Variants in PTPRC observed in about 807,000 individuals in gnomAD.
PTPRC encodes the protein receptor-type tyrosine-protein phosphatase C.
PTPRC carries 44 observed loss-of-function variants against 155.9 expected under a neutral mutation model. That is an observed-to-expected ratio of 0.28 (90% CI 0.22 to 0.36). The LOEUF (loss-of-function observed/expected upper bound fraction) is 0.36. Ranked by LOEUF, PTPRC falls within the 10% of genes least tolerant of loss-of-function variation. The pLI is 1.00. For missense variants in PTPRC, 1,401 were observed against 1,564.6 expected (o/e 0.90, Z 1.76); for synonymous variants, 525 against 533.1 (o/e 0.98, Z 0.21).
chr1:198,740,237 T>TA (rs966130129), intron 23 of PTPRC, among the ~76,000 whole-genome samples: 1 of 151,450 alleles, frequency 6.6e-6, no homozygotes, highest in Non-Finnish European at 1.5e-5. Flanking sequence ...GAAACTGAAA[T>TA]AAAAAAATAC....
chr1:198,644,550 C>T (rs567755250), intron 2 of PTPRC, among the ~76,000 whole-genome samples: 33 of 151,904 alleles, frequency 2.2e-4, no homozygotes, highest in Middle Eastern at 3.4e-3. Flanking sequence ...ACTTCAATAT[C>T]AGTCTGTTAA....
At chr1:198,683,115 G>A (rs1198428076) in intron 2 of PTPRC, among the ~76,000 whole-genome samples, 5 of 152,054 alleles carry the variant, frequency 3.3e-5, no homozygotes, top group African/African-American at 9.7e-5. Flanking sequence ...TTGCATACAC[G>A]TTTTTATGAT....
rs112017590 is a variant in PTPRC, at chr1:198,668,634, G to A, written c.74-23713G>A. On this transcript the variant is annotated intron_variant, in intron 2 of 32. Transcript: ENST00000442510. ...GGTACATGGAAAGTAAATATAAAAT[G>A]GTGCTGATAATTCTAATTACATAGT... Among the ~76,000 whole-genome samples, 1,097 of 152,250 alleles carry A rather than the reference G, an allele frequency of 7.2e-3. 8 individuals are homozygous for A. The highest frequency in any genetic ancestry group is 0.011 in the Non-Finnish European group (763 of 68,004).
intron 22 of PTPRC, 36 bp downstream of exon 22, chr1:198,734,461 G>A: frequency 6.3e-7 from 1 of 1,587,392 alleles, no homozygotes; most frequent in Non-Finnish European, 8.6e-7. Flanking sequence ...TGGGTCTTGG[G>A]GTTAGGAAAA....
intron 4 of PTPRC, among the ~76,000 whole-genome samples, chr1:198,698,681 G>A (rs1666323426): frequency 6.6e-6 from 1 of 151,560 alleles, no homozygotes; most frequent in Non-Finnish European, 1.5e-5. Flanking sequence ...CAATATAGAT[G>A]GGTATGTGTG....
chr1:198,732,390 TGTGA>T lies in PTPRC; in HGVS notation c.2065+3_2065+6del. Reference sequence around the variant, plus strand: ...AAACCGTTATGTTGACATTCTTCCTTGTGAGTATTTATTGAGTGCTGAATTCCCA... The same window carrying T: ...AAACCGTTATGTTGACATTCTTCCTTGTATTTATTGAGTGCTGAATTCCCA... On this transcript the variant is annotated splice_donor_variant and splice_donor_region_variant and intron_variant, in intron 19 of 32. Coordinates refer to ENST00000442510, the MANE Select transcript of PTPRC (RefSeq NM_002838.5). LOFTEE classifies it high-confidence loss of function. 6.2e-7 allele frequency: 1 copy of T among 1,609,654 alleles called. No individual in the cohort carries two copies.
intron 2 of PTPRC, among the ~76,000 whole-genome samples, chr1:198,670,467 T>A (rs71633838): frequency 2.6e-5 from 4 of 152,092 alleles, no homozygotes; most frequent in Admixed American, 6.5e-5. Flanking sequence ...ACACAAAAAA[T>A]TTTAAAAATT....
At chr1:198,736,647 G>C (rs563430792) in intron 23 of PTPRC, among the ~76,000 whole-genome samples, 4 of 151,730 alleles carry the variant, frequency 2.6e-5, no homozygotes, top group African/African-American at 9.6e-5. Flanking sequence ...TCCAATAAAC[G>C]TGGGAGTGCA....
At position 198,752,263 on chromosome 1, in the gene PTPRC, G is replaced by T; in HGVS notation, c.3222G>T (p.Gln1074His). ...CTTTTATCTAGGAAATCTGTGCTCA[G>T]TACTGGGGAGAAGGAAAGCAAACAT... ...LKHGDQEICA[Q>H]YWGEGKQTYG... Residue 1074 changes from glutamine (Q) to histidine (H), a missense_variant, in exon 30 of 33, where the codon CAG (glutamine) becomes CAT (histidine). Gln to His is a conservative substitution (Grantham distance 24, BLOSUM62 0). Coordinates refer to ENST00000442510, the MANE Select transcript of PTPRC (RefSeq NM_002838.5). The T allele has an allele frequency of 6.2e-7, 1 of 1,611,764 alleles. No homozygotes were observed. The highest frequency in any genetic ancestry group is 8.5e-7 in the Non-Finnish European group (1 of 1,178,318).
At chr1:198,726,423 C>T (rs1432852047) in intron 15 of PTPRC, among the ~76,000 whole-genome samples, 2 of 152,064 alleles carry the variant, frequency 1.3e-5, no homozygotes, top group African/African-American at 4.8e-5. Flanking sequence ...TCATGTATCC[C>T]ATCCATTTTT....
In PTPRC at chr1:198,706,839, C is replaced by T. The variant is rs1298769494; in HGVS notation, c.791C>T (p.Thr264Ile). The change falls in exon 9 of 33, where the codon ACT (threonine) becomes ATT (isoleucine). Residue 264 changes from threonine (T) to isoleucine (I), a missense_variant. Coordinates refer to ENST00000442510, the MANE Select transcript of PTPRC (RefSeq NM_002838.5). ...VNENVECGNN[T>I]CTNNEVHNLT... is the part of the protein sequence containing the mutation. Reference sequence around the variant, plus strand: ...GAGAATGTGGAATGTGGAAACAATACTTGCACAAACAATGAGGTGCATAAC... The same window carrying T: ...GAGAATGTGGAATGTGGAAACAATATTTGCACAAACAATGAGGTGCATAAC... 5.0e-6 allele frequency: 8 copies of T among 1,612,880 alleles called. No individual in the cohort carries two copies. Among genetic ancestry groups the T allele is most frequent in the African/African-American group, 1.3e-5 (1 of 74,890 alleles).
At chr1:198,646,693 T>A (rs1004404028) in intron 2 of PTPRC, among the ~76,000 whole-genome samples, 7 of 151,900 alleles carry the variant, frequency 4.6e-5, no homozygotes, top group African/African-American at 1.7e-4. Flanking sequence ...ATAGAAACTT[T>A]AGAAACACTT....
rs74842024 is a variant in PTPRC at position 198,735,354 on chromosome 1, T to G, written c.2403+102T>G. 2,303 of 1,113,430 alleles carry G rather than the reference T, an allele frequency of 2.1e-3. 82 individuals carry two copies. In the East Asian group the frequency reaches 0.052, roughly 25 times the overall value. The allele number at this position is 1,113,430 out of a possible 1,614,324, so 69.0% of individuals were successfully genotyped here. A position where few individuals can be genotyped will look rare whatever the true frequency, so the allele number is the denominator to read the frequency against. On this transcript the variant is annotated intron_variant, in intron 23 of 32. Coordinates refer to ENST00000442510, the MANE Select transcript of PTPRC (RefSeq NM_002838.5). ...AAATAAAATATATCAGGAAAAATTA[T>G]TTTTGATAACCTTTAGGATGAAAGC...
chr1:198,729,060 C>A, intron 16 of PTPRC, 77 bp from the exon 17 acceptor site: 1 of 1,481,880 alleles, frequency 6.7e-7, no homozygotes, highest in Non-Finnish European at 9.3e-7. Flanking sequence ...TCAATATATT[C>A]ATTAAATATA....
Position 198,699,575 on chromosome 1 carries a change from G to T in PTPRC, c.310G>T (p.Val104Leu). Residue 104 changes from valine to leucine, a missense_variant, in exon 5 of 33, where the codon GTA becomes TTA. Transcript: ENST00000442510. ...CTTTCCTACCTTAGGTGTTTCATCA[G>T]TACAGACGCCTCACCTTCCCACGCA... Reference protein sequence around the residue: ...SAFNTTGVSSVQTPHLPTHAD... With the variant: ...SAFNTTGVSSLQTPHLPTHAD... The T allele has an allele frequency of 6.2e-7, 1 of 1,614,186 alleles. No homozygotes were observed. Among genetic ancestry groups the T allele is most frequent in the Non-Finnish European group, 8.5e-7 (1 of 1,180,042 alleles).
At chr1:198,681,771 A>C (rs1470783064) in intron 2 of PTPRC, among the ~76,000 whole-genome samples, 1 of 152,238 alleles carries the variant, frequency 6.6e-6, no homozygotes, top group East Asian at 1.9e-4. Flanking sequence ...TTTCAAAATG[A>C]AGTGCTTCTG....
At chr1:198,694,933 G>A (rs2102378087) in intron 3 of PTPRC, 1 of 980,602 alleles carries the variant, frequency 1.0e-6, no homozygotes, top group East Asian at 1.1e-4. Flanking sequence ...GTCATTATGG[G>A]TAAAAGTTTG....
intron 5 of PTPRC, among the ~76,000 whole-genome samples, chr1:198,701,769 G>A (rs1666473902): frequency 6.6e-6 from 1 of 152,166 alleles, no homozygotes; most frequent in South Asian, 2.1e-4. Context: ...GATTTTTCCT[G>A]GCCAGGGAAG....
chr1:198,737,322 A>T (rs911207512), intron 23 of PTPRC, among the ~76,000 whole-genome samples: 1 of 150,980 alleles, frequency 6.6e-6, no homozygotes, highest in Admixed American at 6.6e-5. Context: ...TCATAGATTA[A>T]GGTCTTAGAT....
Sources: gnomAD v4.1 joint callset for allele counts (sites outside exome capture counted in the v4.1 genomes callset) on GRCh38, gnomAD v4.1.1 for gene constraint, MANE v1.5 for transcripts, NCBI Gene and HGNC (gene_info 2026-07-23, HGNC 2026-07-21) for gene names.